The following RGS20 variants were observed in gnomAD, a reference collection of about 807,000 sequenced individuals.
The protein encoded by RGS20 is gz-selective GTPase-activating protein.
A neutral mutation model predicts 33.6 loss-of-function variants in RGS20; 30 were observed. That is an observed-to-expected ratio of 0.89 (90% CI 0.67 to 1.21). RGS20 has a LOEUF of 1.21. RGS20 is among the 50% of genes most tolerant of loss of function. The pLI, the probability that RGS20 is intolerant of heterozygous loss-of-function variation, is 0.00. For missense variants in RGS20, 472 were observed against 502.4 expected (o/e 0.94, Z 0.58); for synonymous variants, 208 against 197.9 (o/e 1.05, Z -0.43).
intron 1 of RGS20, among the ~76,000 whole-genome samples, chr8:53,866,341 G>A (rs955953035): frequency 2.6e-5 from 4 of 151,954 alleles, no homozygotes; most frequent in Admixed American, 1.3e-4. Context: ...GAAATGATGA[G>A]CCCCTGTGAG....
At chr8:53,881,415 C>G (rs911710301) in intron 2 of RGS20, among the ~76,000 whole-genome samples, 7 of 152,060 alleles carry the variant, frequency 4.6e-5, no homozygotes, top group Non-Finnish European at 1.0e-4. Context: ...GTCTTTAGAC[C>G]CTAGAAATCG....
chr8:53,937,554 A>G (rs200324675), intron 2 of RGS20, among the ~76,000 whole-genome samples: 7 of 152,138 alleles, frequency 4.6e-5, no homozygotes, highest in East Asian at 1.9e-4. Flanking sequence ...AAACTAAAGA[A>G]CTTCTGCACA....
Position 53,877,208 on chromosome 8 carries a change from C to T in RGS20, c.166-2050C>T, listed in dbSNP as rs1289032746. Among the ~76,000 whole-genome samples, 1 of 152,144 alleles carries T rather than the reference C, an allele frequency of 6.6e-6. No individual in the cohort carries two copies. Among genetic ancestry groups the T allele is most frequent in the Admixed American group, 6.5e-5 (1 of 15,278 alleles). Reference sequence around the variant, plus strand: ...AGCCCTTGCGTAGGGTCGGGAAGGCCGTGGGTGGGCTCAGTCAGGCTTTAG... The same window carrying T: ...AGCCCTTGCGTAGGGTCGGGAAGGCTGTGGGTGGGCTCAGTCAGGCTTTAG... On this transcript the variant is annotated intron_variant, in intron 1 of 5. Transcript: ENST00000297313. This position sits in a 1 kb window ranked among gnomAD's most constrained non-coding sequence, Gnocchi z 5.7.
chr8:53,880,926 C>G, intron 2 of RGS20: 2 of 1,548,408 alleles, frequency 1.3e-6, no homozygotes, highest in Non-Finnish European at 8.7e-7. Flanking sequence ...GACCGAGAGC[C>G]GGAGAAAGGC....
In RGS20 at chr8:53,954,185, A is replaced by C. The variant is rs1814793133; in HGVS notation, c.853A>C (p.Ser285Arg). 6.2e-7 allele frequency: 1 copy of C among 1,613,936 alleles called. No homozygotes were observed. The change falls in exon 5 of 6, where the codon AGT becomes CGT. Residue 285 changes from serine (S) to arginine (R), a missense_variant. Around this residue, in one of 3 missense-constraint regions of RGS20, gnomAD observed 125 missense variants for 169.5 expected, o/e 0.74. Coordinates refer to ENST00000297313, the MANE Select transcript of RGS20 (RefSeq NM_170587.4). ...CCGTGAATTCCTCCGAACAGAATTC[A>C]GTGAGGAAAATATGCTCTTCTGGAT... is the stretch of plus-strand genomic sequence containing the variant.
At chr8:53,946,404 C>A in intron 3 of RGS20, 2 of 377,212 alleles carry the variant, frequency 5.3e-6, no homozygotes, top group South Asian at 2.9e-5. Flanking sequence ...TTTAAAAAAT[C>A]ATTATTCTAA....
At chr8:53,932,725 G>A (rs750123610) in intron 2 of RGS20, among the ~76,000 whole-genome samples, 2 of 152,212 alleles carry the variant, frequency 1.3e-5, no homozygotes, top group African/African-American at 2.4e-5. Flanking sequence ...ACTGCCTGGC[G>A]GCTGTGAAGA....
intron 4 of RGS20, among the ~76,000 whole-genome samples, chr8:53,947,281 T>C (rs1029090572): frequency 2.9e-5 from 4 of 140,234 alleles, no homozygotes; most frequent in African/African-American, 1.1e-4. Context: ...AGATATAGCA[T>C]ATATATTTAT....
At chr8:53,896,184 C>G (rs2129279175) in intron 2 of RGS20, among the ~76,000 whole-genome samples, 1 of 152,214 alleles carries the variant, frequency 6.6e-6, no homozygotes, top group East Asian at 1.9e-4. Context: ...GAGGCTGATG[C>G]AGGAGGATCA....
intron 4 of RGS20, among the ~76,000 whole-genome samples, chr8:53,950,179 A>T (rs1341074466): frequency 6.6e-6 from 1 of 152,196 alleles, no homozygotes; most frequent in Non-Finnish European, 1.5e-5. Flanking sequence ...GGAAGATTTG[A>T]AAAGAAATAA....
chr8:53,887,372 A>G (rs1195436355), intron 2 of RGS20: 4 of 222,780 alleles, frequency 1.8e-5, no homozygotes, highest in African/African-American at 4.6e-5. Flanking sequence ...ATCAGGAGGA[A>G]TTCGTTCCTT....
At chr8:53,876,981 A>T (rs1212871378) in intron 1 of RGS20, among the ~76,000 whole-genome samples, 1 of 152,166 alleles carries the variant, frequency 6.6e-6, no homozygotes, top group Non-Finnish European at 1.5e-5. Flanking sequence ...CTTGCAAGTG[A>T]CTTGGGAAGA....
chr8:53,894,773 A>G (rs999539768), intron 2 of RGS20, among the ~76,000 whole-genome samples: 2 of 152,224 alleles, frequency 1.3e-5, no homozygotes, highest in African/African-American at 4.8e-5. Flanking sequence ...TGGGATCTCA[A>G]AATCTCCACA....
intron 2 of RGS20, among the ~76,000 whole-genome samples, chr8:53,888,813 T>G (rs1797491446): frequency 6.6e-6 from 1 of 152,234 alleles, no homozygotes; most frequent in African/African-American, 2.4e-5. Context: ...TCATATGTAA[T>G]TAAACAGTGT....
At chr8:53,904,275 G>A (rs1813106907) in intron 2 of RGS20, among the ~76,000 whole-genome samples, 1 of 152,016 alleles carries the variant, frequency 6.6e-6, no homozygotes, top group Admixed American at 6.6e-5. Context: ...GGGATTACAG[G>A]TGCCTGCCAC....
intron 1 of RGS20, among the ~76,000 whole-genome samples, chr8:53,857,990 T>A (rs1409636224): frequency 6.6e-6 from 1 of 152,058 alleles, no homozygotes; most frequent in Non-Finnish European, 1.5e-5. Flanking sequence ...TTGTACCCCA[T>A]AAATATATGC....
chr8:53,917,188 C>T (rs949439928), intron 2 of RGS20, among the ~76,000 whole-genome samples: 9 of 152,080 alleles, frequency 5.9e-5, no homozygotes, highest in African/African-American at 2.2e-4. Context: ...ACTCTTGTTG[C>T]CCAGGCTGGA....
intron 1 of RGS20, among the ~76,000 whole-genome samples, chr8:53,859,680 G>A (rs1294937042): frequency 6.6e-6 from 1 of 152,158 alleles, no homozygotes; most frequent in African/African-American, 2.4e-5. Context: ...ACCCGAGACT[G>A]GTTGATATAT....
In RGS20 at chr8:53,889,739, G is replaced by A. The variant is rs908754757; in HGVS notation, c.510+10137G>A. ...GTCAAAATTCTGTGTGTGTGTGTGTGTGTGTGTGTGTGTGTGTGCACGTGC... is the reference window on the plus strand; with the variant it reads ...GTCAAAATTCTGTGTGTGTGTGTGTATGTGTGTGTGTGTGTGTGCACGTGC... On this transcript the variant is annotated intron_variant, in intron 2 of 5. Transcript: ENST00000297313. Among the ~76,000 whole-genome samples, 4 of 151,780 alleles carry A rather than the reference G, an allele frequency of 2.6e-5. No individual in the cohort carries two copies. In the East Asian group the frequency reaches 7.7e-4, roughly 29 times the overall value.
Sources: gnomAD v4.1 joint callset for allele counts (sites outside exome capture counted in the v4.1 genomes callset) on GRCh38, gnomAD v4.1.1 for gene constraint, gnomAD v4.1.1 regional missense constraint, Gnocchi (gnomAD v3.1) non-coding constraint, MANE v1.5 for transcripts, NCBI Gene and HGNC (gene_info 2026-07-23, HGNC 2026-07-21) for gene names.